CHCHD6: variants seen among roughly 807,000 people sequenced by gnomAD.
CHCHD6 encodes the protein coiled-coil-helix-coiled-coil-helix domain containing 6, also known as MICOS complex subunit MIC25.
A neutral mutation model predicts 32.3 loss-of-function variants in CHCHD6; 28 were observed. That is an observed-to-expected ratio of 0.87 (90% CI 0.64 to 1.19). CHCHD6 has a LOEUF of 1.19. Among genes scored for constraint, CHCHD6 ranks in the 50% most tolerant of loss-of-function variants. CHCHD6 has a pLI of 0.00. For missense variants in CHCHD6, 333 were observed against 307.0 expected, an observed-to-expected ratio of 1.08 and a Z score of -0.63; for synonymous variants, 122 against 117.5, an observed-to-expected ratio of 1.04 and a Z score of -0.25.
At chr3:126,839,555 G>A (rs1179818999) in intron 4 of CHCHD6, among the ~76,000 whole-genome samples, 1 of 151,986 alleles carries the variant, frequency 6.6e-6, no homozygotes, top group Non-Finnish European at 1.5e-5. Context: ...GCCGGAACCT[G>A]GAGGGATCAT....
chr3:126,817,299 A>G (rs1049729650), intron 4 of CHCHD6, among the ~76,000 whole-genome samples: 7 of 149,462 alleles, frequency 4.7e-5, no homozygotes, highest in Non-Finnish European at 4.4e-5. Flanking sequence ...TCTCTTTACA[A>G]TTGAGTACCT....
intron 4 of CHCHD6, among the ~76,000 whole-genome samples, chr3:126,846,603 A>T (rs1234720910): frequency 1.3e-5 from 2 of 152,260 alleles, no homozygotes; most frequent in Admixed American, 6.5e-5. Context: ...ATAATATAAA[A>T]GACTGATTTC....
intron 5 of CHCHD6, among the ~76,000 whole-genome samples, chr3:126,890,789 A>C (rs926168675): frequency 3.9e-5 from 6 of 152,196 alleles, no homozygotes; most frequent in African/African-American, 1.2e-4. Flanking sequence ...ATTTCTGAGC[A>C]GCGGTTCTCA....
intron 4 of CHCHD6, chr3:126,767,050 A>G (rs1937400890): frequency 8.4e-6 from 8 of 955,004 alleles, no homozygotes; most frequent in Admixed American, 5.3e-5. Flanking sequence ...TGGTCACTCA[A>G]TGGGGAACCA....
At chr3:126,898,111 G>A (rs534256119) in intron 5 of CHCHD6, among the ~76,000 whole-genome samples, 3 of 152,318 alleles carry the variant, frequency 2.0e-5, no homozygotes, top group African/African-American at 7.2e-5. Flanking sequence ...TGTGGGTGAG[G>A]CCCTTCAGGT....
rs566799274 is a variant in CHCHD6 at position 126,904,762 on chromosome 3, A to G, written c.496-9918A>G. 3.3e-5 allele frequency among the ~76,000 whole-genome samples: 5 copies of G among 152,326 alleles called. No homozygotes were observed. The South Asian group carries it at 8.3e-4, about 25-fold the overall frequency. Reference sequence around the variant, plus strand: ...TTTCTCTGCCTTCTCACAAATGCCAATACTTCTGGGAAGGTCTCACCTAAA... The same window carrying G: ...TTTCTCTGCCTTCTCACAAATGCCAGTACTTCTGGGAAGGTCTCACCTAAA... On this transcript the variant is annotated intron_variant, in intron 5 of 7. Coordinates refer to ENST00000290913, the MANE Select transcript of CHCHD6 (RefSeq NM_032343.3).
At chr3:126,940,088 T>C (rs2078537659) in intron 6 of CHCHD6, among the ~76,000 whole-genome samples, 1 of 152,218 alleles carries the variant, frequency 6.6e-6, no homozygotes, top group Non-Finnish European at 1.5e-5. Flanking sequence ...TCAGAGTATA[T>C]ACATATCTTC....
chr3:126,820,899 C>T (rs530900227), intron 4 of CHCHD6, among the ~76,000 whole-genome samples: 1 of 152,214 alleles, frequency 6.6e-6, no homozygotes, highest in South Asian at 2.1e-4. Flanking sequence ...CAGAATTGTG[C>T]ACCAGTAACC....
chr3:126,822,579 A>G (rs979180278), intron 4 of CHCHD6, among the ~76,000 whole-genome samples: 1 of 152,222 alleles, frequency 6.6e-6, no homozygotes, highest in African/African-American at 2.4e-5. Flanking sequence ...GGATTTTAGG[A>G]TGGATTTTTC....
chr3:126,885,140 T>G (rs1329237228), intron 5 of CHCHD6, among the ~76,000 whole-genome samples: 1 of 152,180 alleles, frequency 6.6e-6, no homozygotes, highest in Non-Finnish European at 1.5e-5. Flanking sequence ...AATCTTTACC[T>G]GGAAAGAGGG....
intron 6 of CHCHD6, chr3:126,953,138 G>T (rs2078738764): frequency 1.0e-6 from 1 of 985,308 alleles, no homozygotes; most frequent in South Asian, 4.7e-5. Context: ...CATACCTGAT[G>T]CACCGACCAC....
intron 4 of CHCHD6, among the ~76,000 whole-genome samples, chr3:126,847,258 G>A (rs1941325675): frequency 6.6e-6 from 1 of 152,138 alleles, no homozygotes; most frequent in South Asian, 2.1e-4. Flanking sequence ...CACTGGGGGA[G>A]GGTCTGCTTC....
intron 5 of CHCHD6, 67 bp downstream of exon 5, chr3:126,852,797 C>CT: frequency 9.1e-7 from 1 of 1,095,960 alleles, no homozygotes; most frequent in Non-Finnish European, 1.4e-6. Flanking sequence ...GAACACATCA[C>CT]TGTCATGGGG....
intron 4 of CHCHD6, among the ~76,000 whole-genome samples, chr3:126,844,059 A>G (rs2107548166): frequency 6.6e-6 from 1 of 152,234 alleles, no homozygotes; most frequent in East Asian, 1.9e-4. Flanking sequence ...GTGTCTTACA[A>G]TTTCTAATTT....
chr3:126,717,185 G>A (rs2107652649), intron 1 of CHCHD6, among the ~76,000 whole-genome samples: 1 of 152,250 alleles, frequency 6.6e-6, no homozygotes, highest in South Asian at 2.1e-4. Flanking sequence ...GTAGAAGGTG[G>A]GTGTGGCATT....
At chr3:126,740,933 C>G (rs974738523) in intron 4 of CHCHD6, among the ~76,000 whole-genome samples, 1 of 152,204 alleles carries the variant, frequency 6.6e-6, no homozygotes, top group African/African-American at 2.4e-5. Flanking sequence ...TGGAGGAAGG[C>G]TGTAGAAACC....
intron 6 of CHCHD6, among the ~76,000 whole-genome samples, chr3:126,943,633 G>GGAC (rs1363801527): frequency 2.6e-5 from 4 of 152,304 alleles, no homozygotes; most frequent in African/African-American, 9.6e-5. Flanking sequence ...GAGTCCTGGA[G>GGAC]GACCTCTTTG....
At chr3:126,755,557 G>C (rs926323204) in intron 4 of CHCHD6, among the ~76,000 whole-genome samples, 4 of 152,142 alleles carry the variant, frequency 2.6e-5, no homozygotes, top group Admixed American at 2.0e-4. Context: ...TTTAGTCACT[G>C]TAGCTCTCTT....
intron 6 of CHCHD6, among the ~76,000 whole-genome samples, chr3:126,920,211 C>T (rs1288516116): frequency 7.2e-5 from 10 of 138,128 alleles, no homozygotes; most frequent in South Asian, 2.3e-4. Context: ...ATTTGCTTTG[C>T]TTTTTTTTTT....
Sources: allele counts gnomAD v4.1 joint callset (sites outside exome capture counted in the v4.1 genomes callset), GRCh38; gene constraint gnomAD v4.1.1; transcripts MANE v1.5; gene names NCBI Gene and HGNC (gene_info 2026-07-23, HGNC 2026-07-21).